STXBP4: variants seen among roughly 807,000 people sequenced by gnomAD.
STXBP4 encodes the protein syntaxin binding protein 4.
STXBP4 carries 55 observed loss-of-function variants against 76.1 expected under a neutral mutation model. The observed-to-expected ratio is 0.72, with a 90% CI of 0.58 to 0.91. STXBP4 has a LOEUF of 0.91. STXBP4 is among the 40% of genes least tolerant of loss of function. The probability of loss-of-function intolerance (pLI) is 0.00; values close to 1 mark genes in which losing one functional copy is unlikely to be tolerated. For synonymous variants in STXBP4, 201 were observed against 220.2 expected, an observed-to-expected ratio of 0.91 and a Z score of 0.77; for missense variants, 618 against 636.9, an observed-to-expected ratio of 0.97 and a Z score of 0.32.
At chr17:55,129,641 T>C (rs2079953485) in intron 16 of STXBP4, among the ~76,000 whole-genome samples, 1 of 152,188 alleles carries the variant, frequency 6.6e-6, no homozygotes, top group Non-Finnish European at 1.5e-5. Context: ...ATTAGTTAAG[T>C]TCTTTTTATT....
rs912297295 is a variant in STXBP4, at chr17:55,141,363, A to G, written c.1543A>G (p.Ile515Val). Residue 515 changes from isoleucine (I) to valine (V), a missense_variant, in exon 17 of 18, where the codon ATC (isoleucine) becomes GTC (valine). Ile to Val is a conservative substitution (Grantham distance 29). Transcript: ENST00000376352. ...AYTADGIKYF[I>V]NHVTQTTSWI... ...CACAGCAGATGGAATCAAGTACTTC[A>G]TCAAGTAAGTACAAGCATCTCAACC... 3.7e-6 allele frequency: 6 copies of G among 1,611,570 alleles called. No homozygotes were observed. The highest frequency in any genetic ancestry group is 1.6e-4 in the Middle Eastern group (1 of 6,070).
In STXBP4 at chr17:55,160,700, T is replaced by C. The variant is rs2080329270; in HGVS notation, c.*789T>C. On this transcript the variant is annotated 3_prime_UTR_variant, in exon 18 of 18. Transcript: ENST00000376352. ...CTGTGATTGTGTTGATGCAGCTGGCTCCACAGCTGTGCATTCCACAGAGAT... is the reference window on the plus strand; with the variant it reads ...CTGTGATTGTGTTGATGCAGCTGGCCCCACAGCTGTGCATTCCACAGAGAT... 1 of 152,470 alleles carries C rather than the reference T, an allele frequency of 6.6e-6. No individual in the cohort carries two copies. Among genetic ancestry groups the C allele is most frequent in the Non-Finnish European group, 1.5e-5 (1 of 68,184 alleles). 9.4% of individuals were successfully genotyped at this position (152,470 alleles called of 1,614,324 possible). A position where few individuals can be genotyped will look rare whatever the true frequency, so the allele number is the denominator to read the frequency against.
chr17:55,070,911 A>T (rs776798906), intron 12 of STXBP4, among the ~76,000 whole-genome samples: 1 of 152,074 alleles, frequency 6.6e-6, no homozygotes, highest in Non-Finnish European at 1.5e-5. Context: ...AGAAAAGGAG[A>T]GGTTATCTTT....
At chr17:55,037,431 C>T (rs1384064895) in intron 10 of STXBP4, among the ~76,000 whole-genome samples, 1 of 152,044 alleles carries the variant, frequency 6.6e-6, no homozygotes, top group Admixed American at 6.6e-5. Flanking sequence ...TTATTTCCTC[C>T]TTACCAATAT....
intron 16 of STXBP4, among the ~76,000 whole-genome samples, chr17:55,101,475 C>G (rs947382601): frequency 6.6e-6 from 1 of 152,202 alleles, no homozygotes; most frequent in Non-Finnish European, 1.5e-5. Flanking sequence ...AGAAATAGCT[C>G]TCCCTCCTTA....
At chr17:55,095,649 T>C (rs1248195384) in intron 16 of STXBP4, among the ~76,000 whole-genome samples, 1 of 152,196 alleles carries the variant, frequency 6.6e-6, no homozygotes, top group Admixed American at 6.5e-5. Flanking sequence ...AAAAATAACA[T>C]TGACATAGAA....
At chr17:55,069,839 G>C (rs1395295591) in intron 12 of STXBP4, among the ~76,000 whole-genome samples, 1 of 152,060 alleles carries the variant, frequency 6.6e-6, no homozygotes, top group East Asian at 1.9e-4. Flanking sequence ...TGTTTTTATA[G>C]AGGAATAAAA....
the STXBP4 span, among the ~76,000 whole-genome samples, chr17:55,198,966 A>G: frequency 6.6e-6 from 1 of 152,238 alleles, no homozygotes; most frequent in African/African-American, 2.4e-5. Context: ...GCTCTGACAC[A>G]GTCTTTCTAT....
At chr17:55,185,669 A>C in the STXBP4 span, among the ~76,000 whole-genome samples, 1 of 152,234 alleles carries the variant, frequency 6.6e-6, no homozygotes, top group Non-Finnish European at 1.5e-5. Context: ...TGGAGAGAGC[A>C]GATGAGTACT....
rs1016602930 is a variant in STXBP4 at position 55,167,597 on chromosome 17, A to G, written c.*7686A>G. ...GATTTGCCCAAGGTTCTGAAGAAAT[A>G]CCACAGAATGATTTTGGTATAGAAG... On this transcript the variant is annotated 3_prime_UTR_variant, in exon 18 of 18. Coordinates refer to ENST00000376352, the MANE Select transcript of STXBP4 (RefSeq NM_178509.6). 7.9e-5 allele frequency: 12 copies of G among 152,242 alleles called. No homozygotes were observed. The highest frequency in any genetic ancestry group is 2.9e-4 in the African/African-American group (12 of 41,462). 9.4% of individuals were successfully genotyped at this position (152,242 alleles called of 1,614,324 possible). A position where few individuals can be genotyped will look rare whatever the true frequency, so the allele number is the denominator to read the frequency against.
At position 55,165,657 on chromosome 17, in the gene STXBP4, T is replaced by C. The variant is rs1000783436; in HGVS notation, c.*5746T>C. 6.6e-6 allele frequency: 1 copy of C among 152,326 alleles called. No individual in the cohort carries two copies. The highest frequency in any genetic ancestry group is 6.5e-5 in the Admixed American group (1 of 15,290). 9.4% of individuals were successfully genotyped at this position (152,326 alleles called of 1,614,324 possible). A position where few individuals can be genotyped will look rare whatever the true frequency, so the allele number is the denominator to read the frequency against. On this transcript the variant is annotated 3_prime_UTR_variant, in exon 18 of 18. Coordinates refer to ENST00000376352, the MANE Select transcript of STXBP4 (RefSeq NM_178509.6). ...AGATAAGCCTCTGCTGTGGTCTGGA[T>C]GTTTGTGCCCAGCCCCTAATTTCAT...
At chr17:55,020,831 T>A (rs2078297399) in intron 8 of STXBP4, among the ~76,000 whole-genome samples, 2 of 152,106 alleles carry the variant, frequency 1.3e-5, no homozygotes, top group Non-Finnish European at 1.5e-5. Context: ...AAATAAAAAT[T>A]AAATTTAAAA....
Position 54,986,151 on chromosome 17 carries a change from A to G in STXBP4, c.-69A>G. 7.5e-7 allele frequency: 1 copy of G among 1,341,966 alleles called. No individual in the cohort carries two copies. The highest frequency in any genetic ancestry group is 2.3e-5 in the East Asian group (1 of 43,206). 83.1% of individuals were successfully genotyped at this position (1,341,966 alleles called of 1,614,324 possible). A position where few individuals can be genotyped will look rare whatever the true frequency, so the allele number is the denominator to read the frequency against. On this transcript the variant is annotated 5_prime_UTR_variant, in exon 3 of 18. Transcript: ENST00000376352. ...ACTTCTTCAATCCTAGGAAAAGAAGAATTTCTAGACTCTTCATCAAGATCT... is the reference window on the plus strand; with the variant it reads ...ACTTCTTCAATCCTAGGAAAAGAAGGATTTCTAGACTCTTCATCAAGATCT...
At chr17:55,064,427 C>G (rs1454376536) in intron 12 of STXBP4, among the ~76,000 whole-genome samples, 1 of 152,110 alleles carries the variant, frequency 6.6e-6, no homozygotes, top group African/African-American at 2.4e-5. Flanking sequence ...TATAAGATCT[C>G]TTTACACTGT....
chr17:55,073,061 T>C lies in STXBP4; in HGVS notation c.1173T>C (p.Tyr391=), dbSNP rs1293884521. 6.2e-7 allele frequency: 1 copy of C among 1,613,652 alleles called. No individual in the cohort carries two copies. The highest frequency in any genetic ancestry group is 8.5e-7 in the Non-Finnish European group (1 of 1,179,810). ...AGCTAAAGGCTCAGCTTGCTGATTA[T>C]TCTGACCAAAATAAAGTAAGCAAAG... ...ITELKAQLAD[Y]SDQNKESVQD... The change falls in exon 13 of 18, where the codon TAT becomes TAC. Residue 391 remains tyrosine (Y), a synonymous_variant. Transcript: ENST00000376352.
intron 4 of STXBP4, among the ~76,000 whole-genome samples, chr17:54,995,483 A>G (rs78854125): frequency 6.6e-6 from 1 of 152,310 alleles, no homozygotes; most frequent in East Asian, 1.9e-4. Context: ...ATGCATGCAC[A>G]CACACATATA....
intron 4 of STXBP4, among the ~76,000 whole-genome samples, chr17:54,997,289 G>GA (rs530668195): frequency 2.5e-4 from 38 of 152,064 alleles, no homozygotes; most frequent in African/African-American, 9.2e-4. Flanking sequence ...TTTTTAGAAA[G>GA]AAAAAATATG....
intron 17 of STXBP4, among the ~76,000 whole-genome samples, 181 bp from the exon 18 acceptor site, chr17:55,159,616 A>G (rs546476386): frequency 8.5e-5 from 13 of 152,338 alleles, no homozygotes; most frequent in South Asian, 8.3e-4. Flanking sequence ...AAAGAAAGAA[A>G]TGGTTTTCAT....
intron 16 of STXBP4, among the ~76,000 whole-genome samples, chr17:55,093,810 A>G (rs900380790): frequency 3.3e-5 from 5 of 152,314 alleles, no homozygotes; most frequent in South Asian, 2.1e-4. Context: ...TTCCAGAACT[A>G]TTTGTTGAGT....
Sources: gnomAD v4.1 joint callset for allele counts (sites outside exome capture counted in the v4.1 genomes callset) on GRCh38, gnomAD v4.1.1 for gene constraint, MANE v1.5 for transcripts, NCBI Gene and HGNC (gene_info 2026-07-23, HGNC 2026-07-21) for gene names.